Variants in MBNL2 observed in about 807,000 individuals in gnomAD.
MBNL2 encodes the protein muscleblind-like protein 2.
Under a neutral mutation model 41.9 loss-of-function variants are expected in MBNL2, and 17 were observed. That is an observed-to-expected ratio of 0.41 (90% CI 0.28 to 0.61). The LOEUF is 0.61. Among genes scored for constraint, MBNL2 ranks in the 20% least tolerant of loss-of-function variants. The pLI, the probability that MBNL2 is intolerant of heterozygous loss-of-function variation, is 0.35. For missense variants in MBNL2, 336 were observed against 505.6 expected, an observed-to-expected ratio of 0.66 and a Z score of 3.22; for synonymous variants, 195 against 182.9, an observed-to-expected ratio of 1.07 and a Z score of -0.53.
intron 2 of MBNL2, among the ~76,000 whole-genome samples, chr13:97,317,875 C>T (rs1594202817): frequency 6.6e-6 from 1 of 152,200 alleles, no homozygotes; most frequent in Admixed American, 6.5e-5. Flanking sequence ...TATTACCATG[C>T]TTTCTTCCCT....
chr13:97,153,946 CA>C, the MBNL2 span, among the ~76,000 whole-genome samples: 1 of 152,246 alleles, frequency 6.6e-6, no homozygotes, highest in South Asian at 2.1e-4. Context: ...AACTCTCTTC[CA>C]ATGATGAGTT....
chr13:97,277,167 A>T (rs2052332459), intron 2 of MBNL2, among the ~76,000 whole-genome samples: 1 of 152,180 alleles, frequency 6.6e-6, no homozygotes, highest in African/African-American at 2.4e-5. Flanking sequence ...TGAGTCATAT[A>T]CTGAGTTGGG....
At chr13:97,327,936 A>C (rs2060045497) in intron 2 of MBNL2, among the ~76,000 whole-genome samples, 1 of 152,180 alleles carries the variant, frequency 6.6e-6, no homozygotes, top group East Asian at 1.9e-4. Flanking sequence ...GATGATGATG[A>C]TTATGATGAT....
chr13:97,324,141 A>G (rs1263740058), intron 2 of MBNL2, among the ~76,000 whole-genome samples: 1 of 152,158 alleles, frequency 6.6e-6, no homozygotes, highest in African/African-American at 2.4e-5. Flanking sequence ...TCTTAGCTTA[A>G]ATGTTAAATG....
At chr13:97,354,964 T>C (rs2153103296) in intron 5 of MBNL2, among the ~76,000 whole-genome samples, 1 of 152,322 alleles carries the variant, frequency 6.6e-6, no homozygotes, top group Non-Finnish European at 1.5e-5. Flanking sequence ...CTTTAGCTGA[T>C]GCAGATTAAT....
intron 1 of MBNL2, among the ~76,000 whole-genome samples, chr13:97,232,888 T>TGC (rs1555303728): frequency 1.8e-4 from 27 of 146,382 alleles, no homozygotes; most frequent in African/African-American, 4.6e-4. Flanking sequence ...TGTGTGTGTG[T>TGC]GTGCGCACGT....
upstream of MBNL2, among the ~76,000 whole-genome samples, chr13:97,217,056 T>G (rs1170888456): frequency 1.4e-5 from 2 of 145,634 alleles, no homozygotes; most frequent in African/African-American, 5.2e-5. Flanking sequence ...ATGTAATATA[T>G]ACATATATAC....
chr13:97,179,253 C>CT, the MBNL2 span: 7 of 152,222 alleles, frequency 4.6e-5, no homozygotes, highest in Non-Finnish European at 1.0e-4. Flanking sequence ...TTATTACTGA[C>CT]TTTTTTGTTG....
rs9556707 is a variant in MBNL2 at position 97,339,874 on chromosome 13, C to T, written c.340-3142C>T. 2.8e-3 allele frequency among the ~76,000 whole-genome samples: 311 copies of T among 110,678 alleles called. 14 individuals are homozygous for T. The highest frequency in any genetic ancestry group is 9.7e-3 in the African/African-American group (214 of 21,982). The allele number at this position is 110,678 out of a possible 152,430, so 72.6% of individuals were successfully genotyped here. On this transcript the variant is annotated intron_variant, in intron 3 of 8. Coordinates refer to ENST00000679496, the MANE Select transcript of MBNL2 (RefSeq NM_001382683.1). ...TACGGGCAACTGATTTGTGTGTGGGCGGGGGGGGCGTTGTTTTTCCTCTTT... is the reference window on the plus strand; with the variant it reads ...TACGGGCAACTGATTTGTGTGTGGGTGGGGGGGGCGTTGTTTTTCCTCTTT...
chr13:97,387,162 T>C (rs569611058), intron 8 of MBNL2, among the ~76,000 whole-genome samples: 1 of 151,820 alleles, frequency 6.6e-6, no homozygotes, highest in African/African-American at 2.4e-5. Context: ...TATAAAACAC[T>C]ACTTACTTGA....
the MBNL2 span, among the ~76,000 whole-genome samples, chr13:97,204,162 A>T: frequency 6.6e-6 from 1 of 152,042 alleles, no homozygotes; most frequent in Non-Finnish European, 1.5e-5. Flanking sequence ...CAACACACGT[A>T]CTCTTTCTGG....
At chr13:97,229,040 T>A (rs2042041294) in intron 1 of MBNL2, among the ~76,000 whole-genome samples, 1 of 151,148 alleles carries the variant, frequency 6.6e-6, no homozygotes, top group Admixed American at 6.6e-5. Context: ...TTAATGGATG[T>A]TGCGTAATTG....
Position 97,350,362 on chromosome 13 carries a change from G to A in MBNL2, c.804+3295G>A, listed in dbSNP as rs1296624765. Among the ~76,000 whole-genome samples the A allele has an allele frequency of 2.6e-5, 4 of 152,256 alleles. No individual in the cohort carries two copies. The East Asian group carries it at 5.8e-4, about 22-fold the overall frequency. ...ATGGCTGGTGACTGATTAGGGTGGT[G>A]ACTGGTGAAAGTTGTGATGGCTGTG... On this transcript the variant is annotated intron_variant, in intron 5 of 8. Coordinates refer to ENST00000679496, the MANE Select transcript of MBNL2 (RefSeq NM_001382683.1).
At chr13:97,278,462 T>C (rs1168228156) in intron 2 of MBNL2, among the ~76,000 whole-genome samples, 1 of 152,158 alleles carries the variant, frequency 6.6e-6, no homozygotes. Context: ...TATTCTTTAA[T>C]GTAATTCGAG....
rs2052283083 is a variant in MBNL2 at position 97,276,944 on chromosome 13, G to A, written c.174+535G>A. ...AGAATCTACTTCATGTGAGTTATAT[G>A]ACAAAAGAAACTAAAGTGATTCAGA... On this transcript the variant is annotated intron_variant, in intron 2 of 8. Transcript: ENST00000679496. 1.3e-5 allele frequency among the ~76,000 whole-genome samples: 2 copies of A among 151,964 alleles called. 1 individual carries two copies. Among genetic ancestry groups the A allele is most frequent in the South Asian group, 4.1e-4 (2 of 4,822 alleles).
the MBNL2 span, among the ~76,000 whole-genome samples, chr13:97,194,778 A>G: frequency 6.6e-6 from 1 of 152,222 alleles, no homozygotes; most frequent in Non-Finnish European, 1.5e-5. Flanking sequence ...GTAATGCATT[A>G]ACATGCTAAA....
intron 2 of MBNL2, among the ~76,000 whole-genome samples, chr13:97,329,354 T>C (rs928403910): frequency 1.3e-5 from 2 of 152,142 alleles, no homozygotes; most frequent in African/African-American, 2.4e-5. Flanking sequence ...AATATAATAA[T>C]CAGGGTGCGA....
intron 1 of MBNL2, among the ~76,000 whole-genome samples, chr13:97,261,630 T>C (rs1050591473): frequency 3.9e-5 from 6 of 152,180 alleles, no homozygotes; most frequent in Non-Finnish European, 8.8e-5. Flanking sequence ...TTCCCTGCCT[T>C]TCTCTTTCCC....
intron 1 of MBNL2, among the ~76,000 whole-genome samples, chr13:97,271,768 G>A (rs146269638): frequency 3.9e-5 from 6 of 152,194 alleles, no homozygotes; most frequent in South Asian, 2.1e-4. Context: ...ATCTCATTCC[G>A]CTGCATAGTA....
Sources: allele counts gnomAD v4.1 joint callset (sites outside exome capture counted in the v4.1 genomes callset), GRCh38; gene constraint gnomAD v4.1.1; transcripts MANE v1.5; gene names NCBI Gene and HGNC (gene_info 2026-07-23, HGNC 2026-07-21).